GP2: variants seen among roughly 807,000 people sequenced by gnomAD.
The protein encoded by GP2 is glycoprotein 2, also known as pancreatic secretory granule membrane major glycoprotein GP2.
In GP2, 58 loss-of-function variants were observed where a neutral mutation model predicts 60.8. The ratio of observed to expected loss-of-function variants is 0.95; its 90% CI spans 0.77 to 1.19. GP2 has a LOEUF of 1.19. GP2 is among the 50% of genes most tolerant of loss of function. The probability of loss-of-function intolerance (pLI) is 0.00; values close to 1 mark genes in which losing one functional copy is unlikely to be tolerated. For missense variants in GP2, 647 were observed against 667.4 expected, an observed-to-expected ratio of 0.97 and a Z score of 0.34; for synonymous variants, 280 against 253.4, an observed-to-expected ratio of 1.10 and a Z score of -1.00.
At chr16:20,327,137 T>C (rs1055385050) in intron 1 of GP2, among the ~76,000 whole-genome samples, 1 of 152,152 alleles carries the variant, frequency 6.6e-6, no homozygotes, top group Non-Finnish European at 1.5e-5. Flanking sequence ...CGGGCAGGGA[T>C]ACCATGAGTA....
intron 10 of GP2, among the ~76,000 whole-genome samples, chr16:20,312,637 G>C (rs192979355): frequency 4.6e-5 from 7 of 151,576 alleles, no homozygotes; most frequent in African/African-American, 1.7e-4. Flanking sequence ...TGAGACTTGA[G>C]GTTCTTGACT....
At chr16:20,317,456 T>A (rs1475408679) in intron 7 of GP2, 81 bp from the exon 8 acceptor site, 4 of 1,069,596 alleles carry the variant, frequency 3.7e-6, no homozygotes, top group Non-Finnish European at 4.2e-6. Context: ...GTTCCCTCCA[T>A]CATGATAACG....
chr16:20,309,604 G>A lies in GP2; in HGVS notation c.*1619C>T, dbSNP rs1963944452. The A allele has an allele frequency of 6.6e-6, 1 of 152,148 alleles. No individual in the cohort carries two copies. The highest frequency in any genetic ancestry group is 1.5e-5 in the Non-Finnish European group (1 of 68,036). The allele number at this position is 152,148 out of a possible 1,614,324, so 9.4% of individuals were successfully genotyped here. ...CTAGAATGTCCATATTTAATCAAGG[G>A]ATGAGTGAACAGGAAAAGCTGGCTT... is the stretch of plus-strand genomic sequence containing the variant. On this transcript the variant is annotated 3_prime_UTR_variant, in exon 11 of 11. Transcript: ENST00000302555.
At position 20,324,214 on chromosome 16, in the gene GP2, A is replaced by G. The variant is rs1350849117; in HGVS notation, c.137T>C (p.Leu46Pro). The change falls in exon 3 of 11, where the codon CTG (leucine) becomes CCG (proline). Residue 46 changes from leucine to proline, a missense_variant. Coordinates refer to ENST00000302555, the MANE Select transcript of GP2 (RefSeq NM_001502.4). Reference sequence around the variant, plus strand: ...TGGGGTGCCAGGAGCTCCGCAGTCCAGGTCCAGCCCATACGAACTGGCTTC... The same window carrying G: ...TGGGGTGCCAGGAGCTCCGCAGTCCGGGTCCAGCCCATACGAACTGGCTTC... ...PIEASSYGLD[L>P]DCGAPGTPEA... is the part of the protein sequence containing the mutation. 1 of 1,611,898 alleles carries G rather than the reference A, an allele frequency of 6.2e-7. No homozygotes were observed. Among genetic ancestry groups the G allele is most frequent in the African/African-American group, 1.3e-5 (1 of 74,908 alleles).
chr16:20,311,173 T>C lies in GP2; in HGVS notation c.*50A>G, dbSNP rs1963983402. On this transcript the variant is annotated 3_prime_UTR_variant, in exon 11 of 11. Coordinates refer to ENST00000302555, the MANE Select transcript of GP2 (RefSeq NM_001502.4). ...AAAGCAGAAGTGCTGAAGGGAGCCATTGCCAGAGGGAAGAACACAAACTTC... is the reference window on the plus strand; with the variant it reads ...AAAGCAGAAGTGCTGAAGGGAGCCACTGCCAGAGGGAAGAACACAAACTTC... 2 of 1,165,240 alleles carry C rather than the reference T, an allele frequency of 1.7e-6. No homozygotes were observed. Among genetic ancestry groups the C allele is most frequent in the African/African-American group, 1.5e-5 (1 of 66,302 alleles). 72.2% of individuals were successfully genotyped at this position (1,165,240 alleles called of 1,614,324 possible).
At chr16:20,323,040 C>A in intron 3 of GP2, 61 bp from the exon 4 acceptor site, 1 of 857,210 alleles carries the variant, frequency 1.2e-6, no homozygotes, top group East Asian at 2.5e-5. Context: ...CTTGAGGCCC[C>A]CAAGTCCAAC....
chr16:20,323,488 C>CG (rs1261027027), intron 3 of GP2: 1 of 589,880 alleles, frequency 1.7e-6, no homozygotes. Context: ...TTGCTGTACC[C>CG]CCCCCCCCTT....
chr16:20,313,994 A>G (rs1041269188), intron 10 of GP2, among the ~76,000 whole-genome samples: 1 of 152,104 alleles, frequency 6.6e-6, no homozygotes, highest in Admixed American at 6.6e-5. Flanking sequence ...AGCTTCATTT[A>G]TGTGTGACAG....
Position 20,320,452 on chromosome 16 carries a change from T to A in GP2, c.668A>T (p.Gln223Leu). 1.9e-6 allele frequency: 3 copies of A among 1,613,444 alleles called. No individual in the cohort carries two copies. The highest frequency in any genetic ancestry group is 2.5e-6 in the Non-Finnish European group (3 of 1,179,440). Residue 223 changes from glutamine (Q) to leucine (L), a missense_variant, in exon 5 of 11, where the codon CAG (glutamine) becomes CTG (leucine). Transcript: ENST00000302555. Reference protein sequence around the residue: ...NSSDVHSLQPQLDCGPREIKV... With the variant: ...NSSDVHSLQPLLDCGPREIKV... ...GATCTCCCTGGGCCCACAGTCTAGCTGAGGCTGCAAACTGTGGACATCTGC... is the reference window on the plus strand; with the variant it reads ...GATCTCCCTGGGCCCACAGTCTAGCAGAGGCTGCAAACTGTGGACATCTGC...
At position 20,310,354 on chromosome 16, in the gene GP2, G is replaced by T. The variant is rs1329225197; in HGVS notation, c.*869C>A. The stretch of plus-strand genomic sequence containing the variant: ...TGTGTAGTTCTCTAAGTCACAGCAT[G>T]TCTGTGGTATGGTGGGGGATAGGGG... On this transcript the variant is annotated 3_prime_UTR_variant, in exon 11 of 11. Coordinates refer to ENST00000302555, the MANE Select transcript of GP2 (RefSeq NM_001502.4). 1 of 152,094 alleles carries T rather than the reference G, an allele frequency of 6.6e-6. No homozygotes were observed. The highest frequency in any genetic ancestry group is 1.5e-5 in the Non-Finnish European group (1 of 68,028). 9.4% of individuals were successfully genotyped at this position (152,094 alleles called of 1,614,324 possible).
In GP2 at chr16:20,319,769, C is replaced by T. The variant is rs148984589; in HGVS notation, c.859-1G>A. The T allele has an allele frequency of 2.5e-4, 401 of 1,610,870 alleles. 1 individual carries two copies. Among genetic ancestry groups the T allele is most frequent in the Non-Finnish European group, 3.3e-4 (392 of 1,177,840 alleles). ...TGTAGATGGCATGGGTTTGATTTCTCTTTGGCAAAAAAACAAAACCATACA... is the reference window on the plus strand; with the variant it reads ...TGTAGATGGCATGGGTTTGATTTCTTTTTGGCAAAAAAACAAAACCATACA... On this transcript the variant is annotated splice_acceptor_variant, in intron 5 of 10. Coordinates refer to ENST00000302555, the MANE Select transcript of GP2 (RefSeq NM_001502.4). LOFTEE classifies it high-confidence loss of function.
chr16:20,327,100 A>G (rs1446762086), intron 1 of GP2, among the ~76,000 whole-genome samples: 2 of 152,174 alleles, frequency 1.3e-5, no homozygotes, highest in Admixed American at 6.5e-5. Flanking sequence ...CCTCTGGAAG[A>G]CTTCAGTGGA....
At chr16:20,312,581 C>T (rs1596516506) in intron 10 of GP2, among the ~76,000 whole-genome samples, 1 of 151,990 alleles carries the variant, frequency 6.6e-6, no homozygotes, top group East Asian at 1.9e-4. Context: ...TGGGAAACCA[C>T]ACTGTTCCAG....
intron 10 of GP2, among the ~76,000 whole-genome samples, chr16:20,313,973 G>A (rs1330003341): frequency 6.6e-6 from 1 of 152,126 alleles, no homozygotes; most frequent in African/African-American, 2.4e-5. Context: ...GCCTTGGACA[G>A]CTTGCCTCTA....
chr16:20,315,071 C>T (rs1377648451), intron 9 of GP2, among the ~76,000 whole-genome samples: 2 of 152,122 alleles, frequency 1.3e-5, no homozygotes, highest in African/African-American at 4.8e-5. Context: ...CACCAAGTTA[C>T]CCTGTGATGC....
chr16:20,316,436 A>G (rs574879879), intron 8 of GP2, among the ~76,000 whole-genome samples: 35 of 152,222 alleles, frequency 2.3e-4, no homozygotes, highest in Non-Finnish European at 4.7e-4. Context: ...CACTGGAGCC[A>G]CCTCTCGGCT....
At chr16:20,311,872 A>G (rs1031883353) in intron 10 of GP2, among the ~76,000 whole-genome samples, 1 of 152,250 alleles carries the variant, frequency 6.6e-6, no homozygotes, top group South Asian at 2.1e-4. Context: ...GCAGAAAGAC[A>G]CAGAGGTTAA....
Position 20,318,356 on chromosome 16 carries a change from G to A in GP2, c.1082C>T (p.Thr361Met), listed in dbSNP as rs759670649. 5.1e-5 allele frequency: 83 copies of A among 1,612,366 alleles called. No homozygotes were observed. The highest frequency in any genetic ancestry group is 1.3e-4 in the East Asian group (6 of 44,878). ...RMALFQDQNY[T>M]NPYEGDAVEL... ...AACTGCATCCCCTTCGTAAGGATTC[G>A]TGTAGTTCTGGTCTTGGAAGAGGGC... The change falls in exon 7 of 11, where the codon ACG becomes ATG. Residue 361 changes from threonine (T) to methionine (M), a missense_variant. Physicochemically the swap from Thr to Met is moderately conservative, Grantham distance 81. Transcript: ENST00000302555.
In GP2 at chr16:20,310,765, T is replaced by TC. The variant is rs2141587924; in HGVS notation, c.*457_*458insG. Reference sequence around the variant, plus strand: ...CTATGTTGCTTTTCTTTTTTTTTTTTTTTTTTCCTGAGACAGAGTCTTGCT... The same window carrying TC: ...CTATGTTGCTTTTCTTTTTTTTTTTTCTTTTTTCCTGAGACAGAGTCTTGCT... On this transcript the variant is annotated 3_prime_UTR_variant, in exon 11 of 11. Transcript: ENST00000302555. 1 of 151,922 alleles carries TC rather than the reference T, an allele frequency of 6.6e-6. No individual in the cohort carries two copies. The highest frequency in any genetic ancestry group is 2.4e-5 in the African/African-American group (1 of 41,014). The allele number at this position is 151,922 out of a possible 1,614,324, so 9.4% of individuals were successfully genotyped here.
Sources: gnomAD v4.1 joint callset for allele counts (sites outside exome capture counted in the v4.1 genomes callset) on GRCh38, gnomAD v4.1.1 for gene constraint, MANE v1.5 for transcripts, NCBI Gene and HGNC (gene_info 2026-07-23, HGNC 2026-07-21) for gene names.